The following LTBP1 variants were observed in gnomAD, a reference collection of about 807,000 sequenced individuals.
LTBP1 encodes the protein latent-transforming growth factor beta-binding protein 1.
A neutral mutation model predicts 207.6 loss-of-function variants in LTBP1; 129 were observed. The observed-to-expected ratio is 0.62, with a 90% CI of 0.54 to 0.72. The LOEUF (loss-of-function observed/expected upper bound fraction) is 0.72, where lower values mean the gene tolerates loss of function less well. Ranked by LOEUF, LTBP1 falls within the 30% of genes least tolerant of loss-of-function variation. The probability of loss-of-function intolerance (pLI) is 0.00; values close to 1 mark genes in which losing one functional copy is unlikely to be tolerated. For synonymous variants in LTBP1, 963 were observed against 833.7 expected (o/e 1.16, Z -2.67); for missense variants, 2,281 against 2,217.2 (o/e 1.03, Z -0.58).
chr2:32,991,172 A>T (rs1000058177), intron 2 of LTBP1, among the ~76,000 whole-genome samples: 1 of 152,160 alleles, frequency 6.6e-6, no homozygotes, highest in Admixed American at 6.6e-5. Flanking sequence ...GAAACAGAAG[A>T]TATGATCTTA....
At chr2:33,008,057 C>G (rs1687167817) in intron 2 of LTBP1, among the ~76,000 whole-genome samples, 1 of 152,010 alleles carries the variant, frequency 6.6e-6, no homozygotes, top group Non-Finnish European at 1.5e-5. Flanking sequence ...TATTTGAAAC[C>G]AAGTTTCAGA....
intron 7 of LTBP1, among the ~76,000 whole-genome samples, chr2:33,207,383 A>G (rs1255543235): frequency 1.3e-5 from 2 of 152,210 alleles, no homozygotes; most frequent in East Asian, 3.8e-4. Context: ...TAAATGCTCT[A>G]GTCACAGTAG....
At chr2:33,045,701 G>A (rs543627749) in intron 3 of LTBP1, among the ~76,000 whole-genome samples, 2 of 152,256 alleles carry the variant, frequency 1.3e-5, no homozygotes, top group South Asian at 4.2e-4. Context: ...AATTACTTTG[G>A]GCAGTATGGC....
chr2:33,264,338 A>G (rs903681500), intron 15 of LTBP1, among the ~76,000 whole-genome samples: 1 of 152,172 alleles, frequency 6.6e-6, no homozygotes, highest in Non-Finnish European at 1.5e-5. Flanking sequence ...AAAGAAAGAA[A>G]ATGCATCAGT....
intron 5 of LTBP1, among the ~76,000 whole-genome samples, chr2:33,155,985 T>G (rs1291404421): frequency 6.6e-6 from 1 of 152,200 alleles, no homozygotes; most frequent in Non-Finnish European, 1.5e-5. Flanking sequence ...TATTGATGAC[T>G]GCTAGCACAT....
chr2:33,208,590 G>A (rs2149238504), intron 7 of LTBP1, among the ~76,000 whole-genome samples: 1 of 152,272 alleles, frequency 6.6e-6, no homozygotes, highest in South Asian at 2.1e-4. Flanking sequence ...GGAATCTAAT[G>A]TATCAACCTG....
intron 2 of LTBP1, among the ~76,000 whole-genome samples, chr2:33,007,838 A>C (rs948275666): frequency 6.6e-6 from 1 of 152,182 alleles, no homozygotes; most frequent in Non-Finnish European, 1.5e-5. Context: ...GTATTAATTA[A>C]TCTACATATA....
intron 22 of LTBP1, among the ~76,000 whole-genome samples, chr2:33,306,193 CA>C (rs2094089470): frequency 6.6e-6 from 1 of 152,174 alleles, no homozygotes; most frequent in Admixed American, 6.5e-5. Context: ...TATTTATAAA[CA>C]CTTTAAATAA....
intron 7 of LTBP1, among the ~76,000 whole-genome samples, chr2:33,201,635 A>G (rs918400123): frequency 7.2e-6 from 1 of 139,250 alleles, no homozygotes; most frequent in East Asian, 2.3e-4. Context: ...TAATGATAAT[A>G]AAAAAAAAGA....
rs147805625 is a variant in LTBP1 at position 33,380,247 on chromosome 2, T to A, written c.4712-8937T>A. On this transcript the variant is annotated intron_variant, in intron 31 of 33. Coordinates refer to ENST00000404816, the MANE Select transcript of LTBP1 (RefSeq NM_206943.4). ...ACAGCCACAGGTTTCAAAGACAAATTGTCTTTCCAAGAGTTTTGCAGCCCA... is the reference window on the plus strand; with the variant it reads ...ACAGCCACAGGTTTCAAAGACAAATAGTCTTTCCAAGAGTTTTGCAGCCCA... Among the ~76,000 whole-genome samples, 181 of 152,134 alleles carry A rather than the reference T, an allele frequency of 1.2e-3. 4 individuals carry two copies. In the East Asian group the frequency reaches 0.025, roughly 21 times the overall value.
chr2:33,176,435 C>G (rs2086065922), intron 5 of LTBP1, among the ~76,000 whole-genome samples: 1 of 152,064 alleles, frequency 6.6e-6, no homozygotes, highest in East Asian at 1.9e-4. Flanking sequence ...CCATGTTGGC[C>G]AGGATGGTCT....
At chr2:32,983,773 T>C (rs1190679226) in intron 2 of LTBP1, among the ~76,000 whole-genome samples, 2 of 152,340 alleles carry the variant, frequency 1.3e-5, no homozygotes, top group South Asian at 2.1e-4. Context: ...CCCTCTGCCA[T>C]GATTGTGAGG....
chr2:33,322,827 C>T (rs1345444997), intron 24 of LTBP1, among the ~76,000 whole-genome samples: 2 of 152,142 alleles, frequency 1.3e-5, no homozygotes, highest in African/African-American at 2.4e-5. Flanking sequence ...GGTTTCTGAC[C>T]GTTCTTTCTC....
At chr2:33,301,693 G>C in intron 22 of LTBP1, 49 bp downstream of exon 22, 1 of 1,481,500 alleles carries the variant, frequency 6.7e-7, no homozygotes, top group Non-Finnish European at 9.1e-7. Flanking sequence ...AGATCGGAGG[G>C]AAATCTGGGC....
chr2:33,338,967 C>T (rs934849744), intron 24 of LTBP1, among the ~76,000 whole-genome samples: 2 of 152,086 alleles, frequency 1.3e-5, no homozygotes, highest in African/African-American at 2.4e-5. Context: ...ATTCTGAACA[C>T]TCTGAGCAAG....
chr2:33,091,517 A>G (rs951429159), intron 3 of LTBP1, among the ~76,000 whole-genome samples: 7 of 151,962 alleles, frequency 4.6e-5, no homozygotes, highest in African/African-American at 1.5e-4. Context: ...TCTCTTCACT[A>G]TTCTCTGTTC....
intron 24 of LTBP1, among the ~76,000 whole-genome samples, chr2:33,323,962 A>G (rs1388332072): frequency 6.6e-6 from 1 of 152,118 alleles, no homozygotes; most frequent in African/African-American, 2.4e-5. Flanking sequence ...AAGCTGTGTG[A>G]ACTTGGTGAG....
At chr2:33,302,986 A>AC (rs1558977507) in intron 22 of LTBP1, among the ~76,000 whole-genome samples, 55 of 137,654 alleles carry the variant, frequency 4.0e-4, no homozygotes, top group African/African-American at 1.5e-3. Flanking sequence ...CACACACACA[A>AC]ACACACACAA....
At chr2:33,394,836 G>A (rs1015711612) in intron 32 of LTBP1, among the ~76,000 whole-genome samples, 8 of 151,986 alleles carry the variant, frequency 5.3e-5, no homozygotes, top group South Asian at 2.1e-4. Flanking sequence ...TTCCAATTCC[G>A]TGAAGAAAGT....
Sources: gnomAD v4.1 joint callset for allele counts (sites outside exome capture counted in the v4.1 genomes callset) on GRCh38, gnomAD v4.1.1 for gene constraint, MANE v1.5 for transcripts, NCBI Gene and HGNC (gene_info 2026-07-23, HGNC 2026-07-21) for gene names.